NIPBL: variants seen among roughly 807,000 people sequenced by gnomAD.
NIPBL encodes NIPBL cohesin loading factor.
Under a neutral mutation model 321.8 loss-of-function variants are expected in NIPBL, and 19 were observed. The observed-to-expected ratio is 0.06, with a 90% CI of 0.04 to 0.09. NIPBL has a LOEUF of 0.09. NIPBL is among the 10% of genes least tolerant of loss of function. The probability of loss-of-function intolerance (pLI) is 1.00; values close to 1 mark genes in which losing one functional copy is unlikely to be tolerated. For synonymous variants in NIPBL, 1,106 were observed against 1,114.1 expected, an observed-to-expected ratio of 0.99 and a Z score of 0.14; for missense variants, 2,210 against 3,327.0, an observed-to-expected ratio of 0.66 and a Z score of 8.26.
chr5:36,946,612 A>G (rs1024956938), intron 1 of NIPBL, among the ~76,000 whole-genome samples: 1 of 151,772 alleles, frequency 6.6e-6, no homozygotes, highest in African/African-American at 2.4e-5. Flanking sequence ...ACACACATAT[A>G]TGTACTTAGT....
At chr5:36,957,143 T>C (rs1174769614) in intron 3 of NIPBL, among the ~76,000 whole-genome samples, 2 of 152,126 alleles carry the variant, frequency 1.3e-5, no homozygotes, top group African/African-American at 2.4e-5. Flanking sequence ...TAATATAAAG[T>C]TAAAACACTG....
chr5:36,898,005 A>G (rs953638561), intron 1 of NIPBL, among the ~76,000 whole-genome samples: 1 of 152,164 alleles, frequency 6.6e-6, no homozygotes, highest in African/African-American at 2.4e-5. Context: ...TAGGAACAAA[A>G]GAGGAAAAAA....
chr5:36,898,117 T>G (rs1746911817), intron 1 of NIPBL, among the ~76,000 whole-genome samples: 1 of 152,182 alleles, frequency 6.6e-6, no homozygotes, highest in Admixed American at 6.5e-5. Context: ...ATGCCCAAAC[T>G]TACTAGCAGT....
chr5:36,997,813 A>G (rs184711946), intron 11 of NIPBL, among the ~76,000 whole-genome samples: 1 of 152,320 alleles, frequency 6.6e-6, no homozygotes, highest in East Asian at 1.9e-4. Context: ...TGTATTGAAA[A>G]TATAGCACAA....
intron 1 of NIPBL, among the ~76,000 whole-genome samples, chr5:36,901,811 A>G (rs955293681): frequency 6.6e-6 from 1 of 152,002 alleles, no homozygotes; most frequent in African/African-American, 2.4e-5. Flanking sequence ...ACCCAGCCCT[A>G]AGTTCTTTGA....
chr5:37,002,596 G>C (rs1746950565), intron 14 of NIPBL, 66 bp from the exon 15 acceptor site: 1 of 1,084,618 alleles, frequency 9.2e-7, no homozygotes, highest in African/African-American at 1.6e-5. Flanking sequence ...AGAAAGTTAA[G>C]CTTGACATTT....
intron 43 of NIPBL, 105 bp downstream of exon 43, chr5:37,057,437 T>TA: frequency 8.6e-7 from 1 of 1,166,600 alleles, no homozygotes; most frequent in Non-Finnish European, 1.2e-6. Context: ...CACGAGTATA[T>TA]AAAATCTTTC....
At chr5:37,019,719 A>G (rs944283221) in intron 25 of NIPBL, among the ~76,000 whole-genome samples, 1 of 152,212 alleles carries the variant, frequency 6.6e-6, no homozygotes, top group Admixed American at 6.5e-5. Flanking sequence ...GGTACATGAG[A>G]TGATCTATAA....
At chr5:36,913,426 C>T (rs1468311041) in intron 1 of NIPBL, among the ~76,000 whole-genome samples, 1 of 149,908 alleles carries the variant, frequency 6.7e-6, no homozygotes, top group Non-Finnish European at 1.5e-5. Context: ...TGTCTTGCTC[C>T]GTCTCCCAGG....
intron 32 of NIPBL, among the ~76,000 whole-genome samples, chr5:37,031,248 AGTGCTGGGATTATAG>A (rs2149710901): frequency 6.6e-6 from 1 of 152,244 alleles, no homozygotes; most frequent in East Asian, 1.9e-4. Flanking sequence ...GGCCTCCCAA[AGTGCTGGGATTATAG>A]GCGCAAGCCA....
chr5:36,899,271 A>C (rs1410136836), intron 1 of NIPBL, among the ~76,000 whole-genome samples: 1 of 152,172 alleles, frequency 6.6e-6, no homozygotes, highest in Non-Finnish European at 1.5e-5. Context: ...TGTTGAAGAA[A>C]ACTTAATACC....
At chr5:36,990,614 A>C (rs1269811436) in intron 10 of NIPBL, among the ~76,000 whole-genome samples, 5 of 152,188 alleles carry the variant, frequency 3.3e-5, no homozygotes, top group Non-Finnish European at 7.4e-5. Context: ...GTTTGGAGAA[A>C]GTTTATTACA....
chr5:36,896,244 T>A (rs1205770872), intron 1 of NIPBL, among the ~76,000 whole-genome samples: 1 of 152,250 alleles, frequency 6.6e-6, no homozygotes, highest in Non-Finnish European at 1.5e-5. Context: ...AATGTAAATT[T>A]AAGAGTTTAT....
chr5:36,960,489 G>T (rs1466685874), intron 4 of NIPBL, among the ~76,000 whole-genome samples: 1 of 152,074 alleles, frequency 6.6e-6, no homozygotes, highest in African/African-American at 2.4e-5. Context: ...TTGAAATTTA[G>T]ACTACATACT....
At chr5:37,013,551 G>A (rs962289810) in intron 21 of NIPBL, among the ~76,000 whole-genome samples, 2 of 151,492 alleles carry the variant, frequency 1.3e-5, no homozygotes, top group East Asian at 2.0e-4. Flanking sequence ...GGGCAGAGAC[G>A]CTCCTCACAT....
chr5:36,949,249 A>G (rs1032388603), intron 1 of NIPBL, among the ~76,000 whole-genome samples: 5 of 151,640 alleles, frequency 3.3e-5, no homozygotes, highest in Admixed American at 3.3e-4. Flanking sequence ...CCTAATTAAT[A>G]TTTTTCTTCT....
At chr5:36,907,931 C>T (rs1382643124) in intron 1 of NIPBL, among the ~76,000 whole-genome samples, 2 of 152,042 alleles carry the variant, frequency 1.3e-5, no homozygotes, top group Non-Finnish European at 2.9e-5. Context: ...AAATAGTAAA[C>T]AGCTTTACAC....
At chr5:37,055,676 C>T (rs781051318) in intron 42 of NIPBL, among the ~76,000 whole-genome samples, 10 of 151,850 alleles carry the variant, frequency 6.6e-5, no homozygotes, top group Middle Eastern at 3.2e-3. Flanking sequence ...TGGTGAACTT[C>T]GTGGACAAAA....
chr5:37,051,693 C>G, intron 40 of NIPBL, 86 bp from the exon 41 acceptor site: 2 of 856,182 alleles, frequency 2.3e-6, no homozygotes, highest in Admixed American at 3.8e-5. Flanking sequence ...ATTCATATAT[C>G]TCAGATATAT....
Sources: allele counts gnomAD v4.1 joint callset (sites outside exome capture counted in the v4.1 genomes callset), GRCh38; gene constraint gnomAD v4.1.1; transcripts MANE v1.5; gene names NCBI Gene and HGNC (gene_info 2026-07-23, HGNC 2026-07-21).